The following CNTN5 variants were observed in gnomAD, a reference collection of about 807,000 sequenced individuals.
CNTN5 encodes contactin-5.
In CNTN5, 77 loss-of-function variants were observed where a neutral mutation model predicts 129.1. The observed-to-expected ratio is 0.60, with a 90% confidence interval of 0.50 to 0.72. The LOEUF (loss-of-function observed/expected upper bound fraction) is 0.72, where lower values mean the gene tolerates loss of function less well. Among genes scored for constraint, CNTN5 ranks in the 30% least tolerant of loss-of-function variants. The pLI is 0.00. For missense variants in CNTN5, 1,478 were observed against 1,328.8 expected (o/e 1.11, Z -1.75); for synonymous variants, 509 against 465.6 (o/e 1.09, Z -1.20).
At chr11:99,884,519 C>T (rs1397426331) in intron 6 of CNTN5, among the ~76,000 whole-genome samples, 3 of 151,944 alleles carry the variant, frequency 2.0e-5, no homozygotes, top group Non-Finnish European at 2.9e-5. Context: ...AGTGAAAGAA[C>T]AAATATTTAA....
chr11:100,336,920 G>A, intron 21 of CNTN5: 1 of 620,782 alleles, frequency 1.6e-6, no homozygotes, highest in Non-Finnish European at 2.9e-6. Flanking sequence ...AATACATGCA[G>A]TCCCCGGTAG....
At chr11:99,782,747 A>T (rs1310034288) in intron 3 of CNTN5, among the ~76,000 whole-genome samples, 2 of 152,062 alleles carry the variant, frequency 1.3e-5, no homozygotes, top group Non-Finnish European at 2.9e-5. Context: ...CTATTTAATA[A>T]ATGGACATGG....
At chr11:99,412,534 A>T (rs935950504) in intron 2 of CNTN5, among the ~76,000 whole-genome samples, 4 of 152,170 alleles carry the variant, frequency 2.6e-5, no homozygotes, top group Admixed American at 2.6e-4. Context: ...ATCATTGGAC[A>T]TGTTATATTT....
intron 3 of CNTN5, among the ~76,000 whole-genome samples, chr11:99,691,654 G>A (rs575031494): frequency 1.3e-5 from 2 of 152,210 alleles, no homozygotes; most frequent in East Asian, 1.9e-4. Context: ...TTTCTGAGGA[G>A]TCTTTTACTT....
intron 1 of CNTN5, among the ~76,000 whole-genome samples, chr11:99,264,674 C>T (rs1326134135): frequency 6.6e-6 from 1 of 151,954 alleles, no homozygotes; most frequent in Non-Finnish European, 1.5e-5. Context: ...GCAATGTATG[C>T]CTAAAGTTAG....
At chr11:99,804,850 T>C (rs1489193836) in intron 3 of CNTN5, among the ~76,000 whole-genome samples, 1 of 149,910 alleles carries the variant, frequency 6.7e-6, no homozygotes, top group Non-Finnish European at 1.5e-5. Flanking sequence ...ATATAAAATA[T>C]ATACACATAT....
chr11:99,883,083 C>A (rs1039195961), intron 6 of CNTN5, among the ~76,000 whole-genome samples: 1 of 152,146 alleles, frequency 6.6e-6, no homozygotes, highest in South Asian at 2.1e-4. Context: ...AATAGTACCC[C>A]GTTGTGTATA....
At chr11:99,497,827 T>A (rs1591166172) in intron 2 of CNTN5, among the ~76,000 whole-genome samples, 1 of 152,286 alleles carries the variant, frequency 6.6e-6, no homozygotes, top group East Asian at 1.9e-4. Context: ...ATCATCGTTT[T>A]CACATCAGAA....
intron 3 of CNTN5, among the ~76,000 whole-genome samples, chr11:99,809,696 G>T (rs1337204844): frequency 1.3e-5 from 2 of 152,168 alleles, no homozygotes; most frequent in African/African-American, 2.4e-5. Flanking sequence ...TAATATAACT[G>T]CATATGTAAA....
chr11:99,073,747 T>C (rs1315989222), intron 1 of CNTN5, among the ~76,000 whole-genome samples: 1 of 152,196 alleles, frequency 6.6e-6, no homozygotes, highest in Non-Finnish European at 1.5e-5. Flanking sequence ...TATGGCTGCA[T>C]AGTATTCCAT....
chr11:99,990,450 A>G (rs1410605933), intron 8 of CNTN5, among the ~76,000 whole-genome samples: 3 of 99,496 alleles, frequency 3.0e-5, no homozygotes, highest in African/African-American at 8.6e-5. Flanking sequence ...TAGAATATAT[A>G]TATATACACA....
At chr11:99,140,926 A>C (rs897259906) in intron 1 of CNTN5, among the ~76,000 whole-genome samples, 1 of 150,852 alleles carries the variant, frequency 6.6e-6, no homozygotes, top group East Asian at 1.9e-4. Flanking sequence ...GTTTGCAGCT[A>C]TCTTCTTTAG....
intron 9 of CNTN5, among the ~76,000 whole-genome samples, chr11:100,002,566 G>T (rs1326355736): frequency 5.9e-5 from 9 of 152,072 alleles, no homozygotes; most frequent in African/African-American, 2.2e-4. Context: ...TAGTTACATA[G>T]TGATCCTGTG....
intron 15 of CNTN5, among the ~76,000 whole-genome samples, chr11:100,217,738 G>A (rs962297766): frequency 4.6e-5 from 7 of 152,170 alleles, no homozygotes; most frequent in Non-Finnish European, 8.8e-5. Context: ...ACCTACCAGC[G>A]TTGCCTCATT....
chr11:99,839,993 GA>G (rs201223027), intron 4 of CNTN5, among the ~76,000 whole-genome samples: 4 of 150,672 alleles, frequency 2.7e-5, no homozygotes, highest in African/African-American at 7.3e-5. Context: ...CTGAGTCACA[GA>G]AAAAAAAATC....
chr11:100,207,137 T>G (rs1275343584), intron 15 of CNTN5, among the ~76,000 whole-genome samples: 1 of 152,200 alleles, frequency 6.6e-6, no homozygotes, highest in East Asian at 1.9e-4. Flanking sequence ...TATTAACAGA[T>G]AGATGGACCT....
rs191750273 is a variant in CNTN5, at chr11:99,184,845, T to A, written c.-209-140501T>A. ...GGCTAGAATAAATGAAATTTAACAC[T>A]GTAAATTTTAAAAGTGATATTTTTA... On this transcript the variant is annotated intron_variant, in intron 1 of 24. Transcript: ENST00000524871. Among the ~76,000 whole-genome samples, 469 of 152,146 alleles carry A rather than the reference T, an allele frequency of 3.1e-3. 3 individuals are homozygous for A. The highest frequency in any genetic ancestry group is 0.011 in the African/African-American group (440 of 41,554).
In CNTN5 at chr11:99,370,313, T is replaced by G. The variant is rs564848667; in HGVS notation, c.-71+44829T>G. On this transcript the variant is annotated intron_variant, in intron 2 of 24. Coordinates refer to ENST00000524871, the MANE Select transcript of CNTN5 (RefSeq NM_014361.4). ...CACTAAATGTTTTTGAAAATCATCT[T>G]TTGGATTGATGGAGAAACATTCAAG... Among the ~76,000 whole-genome samples, 3 of 152,290 alleles carry G rather than the reference T, an allele frequency of 2.0e-5. No individual in the cohort carries two copies. The East Asian group carries it at 5.8e-4, about 29-fold the overall frequency.
chr11:99,083,754 G>A (rs975347488), intron 1 of CNTN5, among the ~76,000 whole-genome samples: 3 of 152,132 alleles, frequency 2.0e-5, no homozygotes, highest in Non-Finnish European at 4.4e-5. Flanking sequence ...TAGAGGAGGT[G>A]AATGAATTGT....
Sources: allele counts gnomAD v4.1 joint callset (sites outside exome capture counted in the v4.1 genomes callset), GRCh38; gene constraint gnomAD v4.1.1; transcripts MANE v1.5; gene names NCBI Gene and HGNC (gene_info 2026-07-23, HGNC 2026-07-21).